The following PCDHGA3 variants were observed in gnomAD, a reference collection of about 807,000 sequenced individuals.
The protein encoded by PCDHGA3 is protocadherin gamma-A3.
A neutral mutation model predicts 58.5 loss-of-function variants in PCDHGA3; 40 were observed. That is an observed-to-expected ratio of 0.68 (90% CI 0.53 to 0.89). The LOEUF is 0.89. PCDHGA3 is among the 40% of genes least tolerant of loss of function. PCDHGA3 has a pLI of 0.00. For synonymous variants in PCDHGA3, 530 were observed against 525.7 expected (o/e 1.01, Z -0.11); for missense variants, 1,223 against 1,195.9 (o/e 1.02, Z -0.33).
rs183723314 is a variant in PCDHGA3 at position 141,375,046 on chromosome 5, C to T, written c.2424+28589C>T. The T allele has an allele frequency of 2.1e-4, 333 of 1,613,912 alleles. 2 individuals are homozygous for T. The African/African-American group carries it at 4.0e-3, about 19-fold the overall frequency. The stretch of plus-strand genomic sequence containing the variant: ...GTTTTTATGAGCTGGGTGTTGAAGC[C>T]CGGGATGGGCCAGGTCTTCGAGACA... On this transcript the variant is annotated intron_variant, in intron 1 of 3. Coordinates refer to ENST00000253812, the MANE Select transcript of PCDHGA3 (RefSeq NM_018916.4).
At chr5:141,441,298 T>C (rs1289976355) in intron 1 of PCDHGA3, 1 of 152,150 alleles carries the variant, frequency 6.6e-6, no homozygotes, top group Non-Finnish European at 1.5e-5. Flanking sequence ...ATGTCTGATA[T>C]AAGAAAATGC....
At chr5:141,350,662 C>T in intron 1 of PCDHGA3, 2 of 1,614,012 alleles carry the variant, frequency 1.2e-6, no homozygotes, top group Non-Finnish European at 1.7e-6. Context: ...TTGCAAAAGG[C>T]ATTGACTTAG....
intron 1 of PCDHGA3, among the ~76,000 whole-genome samples, chr5:141,381,670 T>C (rs1383738220): frequency 6.6e-6 from 1 of 152,198 alleles, no homozygotes; most frequent in Non-Finnish European, 1.5e-5. Context: ...CTATAGCTGA[T>C]TGCTGCAGCC....
chr5:141,381,826 C>CTTTTTTTTTTTTTT (rs770630741), intron 1 of PCDHGA3, among the ~76,000 whole-genome samples: 11 of 74,282 alleles, frequency 1.5e-4, no homozygotes, highest in Non-Finnish European at 1.7e-4. Context: ...CTTTCTTCTT[C>CTTTTTTTTTTTTTT]TTTTTTTTTT....
At chr5:141,507,724 G>A (rs2099862962) in intron 3 of PCDHGA3, among the ~76,000 whole-genome samples, 1 of 152,256 alleles carries the variant, frequency 6.6e-6, no homozygotes. Context: ...CTCCAAGCAA[G>A]TCATGCAGCT....
At chr5:141,417,702 A>G (rs2096149298) in intron 1 of PCDHGA3, 2 of 1,199,336 alleles carry the variant, frequency 1.7e-6, no homozygotes, top group Non-Finnish European at 1.1e-6. Context: ...CAGCTCCCAC[A>G]CAGAGGCTCC....
At chr5:141,483,656 G>A (rs1345435222) in intron 1 of PCDHGA3, among the ~76,000 whole-genome samples, 1 of 151,984 alleles carries the variant, frequency 6.6e-6, no homozygotes, top group Non-Finnish European at 1.5e-5. Flanking sequence ...GTTTGTGTGT[G>A]TGTGTGTGTG....
intron 1 of PCDHGA3, chr5:141,384,456 C>A (rs145938509): frequency 6.2e-7 from 1 of 1,614,054 alleles, no homozygotes; most frequent in East Asian, 2.2e-5. Flanking sequence ...CGCTGCAATC[C>A]TTTGATTATG....
intron 1 of PCDHGA3, among the ~76,000 whole-genome samples, chr5:141,380,043 G>A (rs1366839689): frequency 6.6e-6 from 1 of 151,834 alleles, no homozygotes; most frequent in Non-Finnish European, 1.5e-5. Context: ...GGGATTACAG[G>A]TGCATGCCAC....
Position 141,487,562 on chromosome 5 carries a change from G to C in PCDHGA3, c.2425-7245G>C. The stretch of plus-strand genomic sequence containing the variant: ...GAAGTCACCCAGTGCACCTATGGCA[G>C]GGGAGCCTGTTCGCCCAAGCTGCCC... On this transcript the variant is annotated intron_variant, in intron 1 of 3. Coordinates refer to ENST00000253812, the MANE Select transcript of PCDHGA3 (RefSeq NM_018916.4). The surrounding 1 kb of genome is among the most constrained non-coding windows in gnomAD (Gnocchi z 5.0). The C allele has an allele frequency of 6.2e-7, 1 of 1,614,178 alleles. No homozygotes were observed.
At chr5:141,418,373 C>T (rs936895178) in intron 1 of PCDHGA3, 1 of 1,614,006 alleles carries the variant, frequency 6.2e-7, no homozygotes, top group Non-Finnish European at 8.5e-7. Context: ...CAAATACCAA[C>T]TAAGTCCTAA....
At position 141,485,359 on chromosome 5, in the gene PCDHGA3, C is replaced by G. The variant is rs1233826208; in HGVS notation, c.2425-9448C>G. 6.2e-7 allele frequency: 1 copy of G among 1,614,026 alleles called. No individual in the cohort carries two copies. The highest frequency in any genetic ancestry group is 8.5e-7 in the Non-Finnish European group (1 of 1,180,018). On this transcript the variant is annotated intron_variant, in intron 1 of 3. Transcript: ENST00000253812. This position sits in a 1 kb window ranked among gnomAD's most constrained non-coding sequence, Gnocchi z 5.7. ...TGGATACGGACAGTCTGTCAGCTCG[C>G]AGGCTGCAGGTCGCTGGAGAGGTGA...
intron 1 of PCDHGA3, chr5:141,351,588 A>G: frequency 6.2e-7 from 1 of 1,614,022 alleles, no homozygotes; most frequent in South Asian, 1.1e-5. Flanking sequence ...GACATCAACG[A>G]CAATGCACCT....
intron 1 of PCDHGA3, chr5:141,370,659 C>G: frequency 6.2e-7 from 1 of 1,613,780 alleles, no homozygotes; most frequent in Non-Finnish European, 8.5e-7. Context: ...TGTGAGCGAC[C>G]GTATAGACCG....
intron 1 of PCDHGA3, chr5:141,376,537 G>A (rs753618601): frequency 1.2e-6 from 2 of 1,613,388 alleles, no homozygotes; most frequent in African/African-American, 1.3e-5. Context: ...AGCGGGAAGA[G>A]TAATCTGATC....
Position 141,409,638 on chromosome 5 carries a change from C to T in PCDHGA3, c.2424+63181C>T, listed in dbSNP as rs1040366842. The T allele has an allele frequency of 3.1e-6, 5 of 1,613,648 alleles. No homozygotes were observed. The highest frequency in any genetic ancestry group is 1.7e-5 in the Admixed American group (1 of 60,006). ...ATTGCGCAAGTGAGCGCCTCTGACC[C>T]GGATTTGGGGCTCAATGGCCACATC... On this transcript the variant is annotated intron_variant, in intron 1 of 3. Coordinates refer to ENST00000253812, the MANE Select transcript of PCDHGA3 (RefSeq NM_018916.4).
At chr5:141,389,413 G>A in intron 1 of PCDHGA3, 1 of 1,613,608 alleles carries the variant, frequency 6.2e-7, no homozygotes, top group South Asian at 1.1e-5. Flanking sequence ...GCGGAGAGCG[G>A]GGTGGTGTTC....
chr5:141,472,068 G>C (rs1050927364), intron 1 of PCDHGA3, among the ~76,000 whole-genome samples: 7 of 151,974 alleles, frequency 4.6e-5, no homozygotes, highest in Non-Finnish European at 8.8e-5. Context: ...CATGTCTGTG[G>C]TTATATCAAT....
chr5:141,505,486 G>A lies in PCDHGA3; in HGVS notation c.2572+5G>A, dbSNP rs1291166546. The A allele has an allele frequency of 1.8e-5, 29 of 1,614,088 alleles. No homozygotes were observed. The highest frequency in any genetic ancestry group is 2.1e-5 in the Non-Finnish European group (25 of 1,180,018). On this transcript the variant is annotated splice_donor_5th_base_variant and intron_variant, in intron 3 of 3. Transcript: ENST00000253812. ...TGATCTTGGCGTCCGCCAGTGGTAA[G>A]TGGTGTCAGTGTGTGTATGGAAGAG...
Sources: allele counts gnomAD v4.1 joint callset (sites outside exome capture counted in the v4.1 genomes callset), GRCh38; gene constraint gnomAD v4.1.1; non-coding constraint Gnocchi (gnomAD v3.1); transcripts MANE v1.5; gene names NCBI Gene and HGNC (gene_info 2026-07-23, HGNC 2026-07-21).